Variants in MRPS33 observed in about 807,000 individuals in gnomAD.
The protein encoded by MRPS33 is mitochondrial ribosomal protein S33.
Under a neutral mutation model 11.2 loss-of-function variants are expected in MRPS33, and 11 were observed. The ratio of observed to expected loss-of-function variants is 0.99; its 90% CI spans 0.62 to 1.63. The LOEUF (loss-of-function observed/expected upper bound fraction) is 1.63, where lower values mean the gene tolerates loss of function less well. Among genes scored for constraint, MRPS33 ranks in the 40% most tolerant of loss-of-function variants. MRPS33 has a pLI of 0.00. For missense variants in MRPS33, 109 were observed against 127.8 expected (o/e 0.85, Z 0.71); for synonymous variants, 46 against 44.0 (o/e 1.05, Z -0.18).
chr7:141,009,372 T>C (rs1292129905), intron 2 of MRPS33, among the ~76,000 whole-genome samples: 9 of 152,154 alleles, frequency 5.9e-5, no homozygotes. Flanking sequence ...CCTCAGATGA[T>C]CTGTCTGCCT....
chr7:141,007,243 C>T (rs534965784), intron 2 of MRPS33, among the ~76,000 whole-genome samples: 9 of 152,240 alleles, frequency 5.9e-5, no homozygotes, highest in African/African-American at 2.2e-4. Context: ...GTTCAAATCA[C>T]GGCTCCACCA....
At chr7:141,013,061 GAA>G (rs1028182526) in intron 1 of MRPS33, among the ~76,000 whole-genome samples, 1 of 128,622 alleles carries the variant, frequency 7.8e-6, no homozygotes, top group African/African-American at 2.9e-5. Context: ...TCATGTTTAA[GAA>G]AAAAAAAAAA....
Position 141,006,400 on chromosome 7 carries a change from GAAGA to G in MRPS33, c.*26_*29del. 1 of 1,573,272 alleles carries G rather than the reference GAAGA, an allele frequency of 6.4e-7. No individual in the cohort carries two copies. Reference sequence around the variant, plus strand: ...GCACTTTCTTCTCTCCGCCACTGAGGAAGAAAGTCTCCCTCTTGAGGGACCAACA... The same window carrying G: ...GCACTTTCTTCTCTCCGCCACTGAGGAAGTCTCCCTCTTGAGGGACCAACA... On this transcript the variant is annotated 3_prime_UTR_variant, in exon 3 of 3. Transcript: ENST00000324787.
intron 2 of MRPS33, among the ~76,000 whole-genome samples, chr7:141,008,085 C>G (rs377689605): frequency 6.6e-6 from 1 of 152,142 alleles, no homozygotes; most frequent in Non-Finnish European, 1.5e-5. Flanking sequence ...TTGCAGATCT[C>G]TGAATAATAT....
intron 2 of MRPS33, among the ~76,000 whole-genome samples, chr7:141,008,005 G>C (rs1820576610): frequency 6.6e-6 from 1 of 152,144 alleles, no homozygotes. Flanking sequence ...CTCTGTTGAT[G>C]ATACAAGCTA....
chr7:141,007,701 CT>C, intron 2 of MRPS33, among the ~76,000 whole-genome samples: 1 of 152,260 alleles, frequency 6.6e-6, no homozygotes, highest in Non-Finnish European at 1.5e-5. Flanking sequence ...CTTGCAAACT[CT>C]TCCCCAAGTC....
At chr7:141,012,512 A>C (rs538755927) in intron 1 of MRPS33, among the ~76,000 whole-genome samples, 3 of 152,236 alleles carry the variant, frequency 2.0e-5, no homozygotes, top group Non-Finnish European at 4.4e-5. Flanking sequence ...TAAACCTCTA[A>C]AAAGCCTTGC....
chr7:141,012,190 A>AAAAAAAAAAAAAAAC (rs1563068794), intron 1 of MRPS33, among the ~76,000 whole-genome samples: 4 of 149,746 alleles, frequency 2.7e-5, no homozygotes, highest in Non-Finnish European at 5.9e-5. Context: ...AAAAAAAAAA[A>AAAAAAAAAAAAAAAC]AAAAGCAGAG....
chr7:141,006,662 T>A (rs555612601), intron 2 of MRPS33, 127 bp from the exon 3 acceptor site: 4 of 767,664 alleles, frequency 5.2e-6, no homozygotes, highest in Middle Eastern at 2.4e-4. Flanking sequence ...GTTAGCCACA[T>A]GCTCAGCTTG....
intron 1 of MRPS33, among the ~76,000 whole-genome samples, chr7:141,012,173 C>CAAAATAAAAAAAAA (rs1820691068): frequency 1.7e-5 from 1 of 58,782 alleles, no homozygotes; most frequent in African/African-American, 8.0e-5. Context: ...GATTGTGTGT[C>CAAAATAAAAAAAAA]AAAAAAAAAA....
chr7:141,006,444 C>A lies in MRPS33; in HGVS notation c.307G>T (p.Ala103Ser). Residue 103 changes from alanine to serine, a missense_variant, in exon 3 of 3, where the codon GCA becomes TCA. Ala to Ser is a moderately conservative substitution (Grantham distance 99). Transcript: ENST00000324787. ...KPKKGEGKRA[A>S]KRK Reference sequence around the variant, plus strand: ...AGGGACCAACACTATTTCCTTTTTGCTGCTCTTTTCCCTTCTCCTTTCTTT... The same window carrying A: ...AGGGACCAACACTATTTCCTTTTTGATGCTCTTTTCCCTTCTCCTTTCTTT... 2.5e-6 allele frequency: 4 copies of A among 1,612,782 alleles called. No individual in the cohort carries two copies. Among genetic ancestry groups the A allele is most frequent in the Non-Finnish European group, 3.4e-6 (4 of 1,179,802 alleles).
At chr7:141,010,392 T>C (rs1489014310) in intron 2 of MRPS33, 27 bp downstream of exon 2, 6 of 1,609,224 alleles carry the variant, frequency 3.7e-6, no homozygotes, top group Non-Finnish European at 5.1e-6. Context: ...AAGTCTCTCA[T>C]AGGTCCCTCT....
At chr7:141,012,149 G>A (rs1343135159) in intron 1 of MRPS33, among the ~76,000 whole-genome samples, 1 of 114,124 alleles carries the variant, frequency 8.8e-6, no homozygotes, top group Non-Finnish European at 1.6e-5. Context: ...TCTATAGCCT[G>A]AGTGACAGAG....
Position 141,006,405 on chromosome 7 carries a change from A to G in MRPS33, c.*25T>C, listed in dbSNP as rs1820526822. ...TTCTTCTCTCCGCCACTGAGGAAGAAAGTCTCCCTCTTGAGGGACCAACAC... is the reference window on the plus strand; with the variant it reads ...TTCTTCTCTCCGCCACTGAGGAAGAGAGTCTCCCTCTTGAGGGACCAACAC... On this transcript the variant is annotated 3_prime_UTR_variant, in exon 3 of 3. Coordinates refer to ENST00000324787, the MANE Select transcript of MRPS33 (RefSeq NM_053035.3). 6.4e-7 allele frequency: 1 copy of G among 1,568,058 alleles called. No individual in the cohort carries two copies. The highest frequency in any genetic ancestry group is 8.8e-7 in the Non-Finnish European group (1 of 1,141,942).
rs1181378572 is a variant in MRPS33 at position 141,010,585 on chromosome 7, G to A, written c.49C>T (p.Arg17Trp). Residue 17 changes from arginine (R) to tryptophan (W), a missense_variant, in exon 2 of 3, where the codon CGG becomes TGG. Transcript: ENST00000324787. ...GGCCTGGTGACTTCACCAAATAGCC[G>A]GGCACTGAGACGAGACATGCGGAAG... is the stretch of plus-strand genomic sequence containing the variant. Reference protein sequence around the residue: ...YAFRMSRLSARLFGEVTRPTN... With the variant: ...YAFRMSRLSAWLFGEVTRPTN... 3.7e-6 allele frequency: 6 copies of A among 1,614,182 alleles called. No homozygotes were observed. Among genetic ancestry groups the A allele is most frequent in the South Asian group, 1.1e-5 (1 of 91,080 alleles).
intron 1 of MRPS33, 43 bp from the exon 2 acceptor site, chr7:141,010,703 A>T: frequency 7.1e-7 from 1 of 1,409,076 alleles, no homozygotes; most frequent in South Asian, 1.2e-5. Context: ...AGGGTAAGAA[A>T]TTCCAAGATT....
At position 141,002,711 on chromosome 7, in the gene MRPS33, AACAC is replaced by A. The variant is rs1820433011; in HGVS notation, c.*3715_*3718del. ...ATATGATGCCTTATGTTTATTTTGA[AACAC>A]ACACATATATGGTGCTTAAAAAATA... is the stretch of plus-strand genomic sequence containing the variant. On this transcript the variant is annotated 3_prime_UTR_variant, in exon 3 of 3. Coordinates refer to ENST00000324787, the MANE Select transcript of MRPS33 (RefSeq NM_053035.3). 1 of 199,548 alleles carries A rather than the reference AACAC, an allele frequency of 5.0e-6. No homozygotes were observed. The highest frequency in any genetic ancestry group is 5.4e-5 in the Admixed American group (1 of 18,598). The allele number at this position is 199,548 out of a possible 1,614,324, so 12.4% of individuals were successfully genotyped here.
At chr7:141,011,475 G>A (rs38740) in intron 1 of MRPS33, among the ~76,000 whole-genome samples, 9,691 of 152,146 alleles carry the variant, frequency 0.064, 334 homozygotes, top group Middle Eastern at 0.11. Context: ...TGATATGCAC[G>A]AATTACAGCT....
chr7:141,007,771 C>A (rs1194573617), intron 2 of MRPS33, among the ~76,000 whole-genome samples: 1 of 152,192 alleles, frequency 6.6e-6, no homozygotes, highest in Admixed American at 6.5e-5. Context: ...CTCAACGAGG[C>A]TGACCCTGAC....
Sources: gnomAD v4.1 joint callset for allele counts (sites outside exome capture counted in the v4.1 genomes callset) on GRCh38, gnomAD v4.1.1 for gene constraint, MANE v1.5 for transcripts, NCBI Gene and HGNC (gene_info 2026-07-23, HGNC 2026-07-21) for gene names.